Variants in DOCK3 observed in about 807,000 individuals in gnomAD.
The protein encoded by DOCK3 is dedicator of cytokinesis 3.
Under a neutral mutation model 265.6 loss-of-function variants are expected in DOCK3, and 60 were observed. The ratio of observed to expected loss-of-function variants is 0.23; its 90% CI spans 0.18 to 0.28. The LOEUF (loss-of-function observed/expected upper bound fraction) is 0.28. Ranked by LOEUF, DOCK3 falls within the 10% of genes least tolerant of loss-of-function variation. DOCK3 has a pLI of 1.00. For missense variants in DOCK3, 1,981 were observed against 2,594.3 expected (o/e 0.76, Z 5.14); for synonymous variants, 881 against 938.0 (o/e 0.94, Z 1.11).
intron 29 of DOCK3, 52 bp downstream of exon 29, chr3:51,312,131 C>A: frequency 6.8e-7 from 1 of 1,467,054 alleles, no homozygotes; most frequent in Non-Finnish European, 9.3e-7. Flanking sequence ...CTTAGAAAGC[C>A]AAAACCAAGC....
chr3:51,183,098 G>C (rs190541036), intron 12 of DOCK3, among the ~76,000 whole-genome samples: 38 of 152,290 alleles, frequency 2.5e-4, no homozygotes, highest in Non-Finnish European at 4.4e-4. Context: ...GCCACTTCCT[G>C]TGTGGCCCTT....
At chr3:51,053,119 A>ATATATATATATG (rs1365143056) in intron 5 of DOCK3, among the ~76,000 whole-genome samples, 1 of 122,208 alleles carries the variant, frequency 8.2e-6, no homozygotes, top group African/African-American at 3.0e-5. Flanking sequence ...ATATATATAT[A>ATATATATATATG]TATGGATTTT....
chr3:50,701,251 A>G (rs2036022854), intron 1 of DOCK3, among the ~76,000 whole-genome samples: 1 of 150,872 alleles, frequency 6.6e-6, no homozygotes, highest in Non-Finnish European at 1.5e-5. Flanking sequence ...TTGAGTAGCT[A>G]GGACAACAGG....
intron 23 of DOCK3, among the ~76,000 whole-genome samples, chr3:51,267,147 T>A (rs1205824230): frequency 6.6e-6 from 1 of 152,162 alleles, no homozygotes; most frequent in African/African-American, 2.4e-5. Context: ...AGAATGGCGA[T>A]CATTAAAAAG....
At chr3:51,215,375 C>T (rs1488412646) in intron 14 of DOCK3, among the ~76,000 whole-genome samples, 1 of 152,208 alleles carries the variant, frequency 6.6e-6, no homozygotes, top group Admixed American at 6.5e-5. Context: ...TCTTGAACTC[C>T]TGACCTCAGC....
chr3:50,779,359 G>A (rs2041792355), intron 2 of DOCK3, among the ~76,000 whole-genome samples: 1 of 152,034 alleles, frequency 6.6e-6, no homozygotes, highest in Non-Finnish European at 1.5e-5. Context: ...ATTAGAACAG[G>A]TCCTCAAATT....
intron 38 of DOCK3, among the ~76,000 whole-genome samples, chr3:51,343,960 A>T (rs59599274): frequency 0.033 from 5,074 of 152,246 alleles, 305 homozygotes; most frequent in African/African-American, 0.11. Context: ...AGAGAGGGAA[A>T]CTCCAAAGAG....
intron 3 of DOCK3, among the ~76,000 whole-genome samples, chr3:50,878,331 C>T (rs1257868355): frequency 1.3e-5 from 2 of 152,086 alleles, no homozygotes; most frequent in African/African-American, 2.4e-5. Context: ...CAAACTTCTC[C>T]GAGCTAAAGG....
At chr3:50,697,055 C>T (rs541204691) in intron 1 of DOCK3, among the ~76,000 whole-genome samples, 11 of 151,718 alleles carry the variant, frequency 7.3e-5, no homozygotes, top group South Asian at 2.1e-4. Flanking sequence ...TTCAGCCTCC[C>T]GAGTAGCTGG....
intron 12 of DOCK3, among the ~76,000 whole-genome samples, chr3:51,161,138 G>A (rs1007832074): frequency 6.7e-6 from 1 of 150,308 alleles, no homozygotes; most frequent in African/African-American, 2.4e-5. Flanking sequence ...GTAGGAAAAG[G>A]AGCTTTTTGA....
chr3:50,789,067 G>A (rs1271024364), intron 2 of DOCK3, among the ~76,000 whole-genome samples: 1 of 152,162 alleles, frequency 6.6e-6, no homozygotes, highest in Non-Finnish European at 1.5e-5. Context: ...TCCTTGAGGT[G>A]TGACCTTAGA....
chr3:50,767,420 G>C (rs1200686351), intron 1 of DOCK3, among the ~76,000 whole-genome samples: 1 of 152,282 alleles, frequency 6.6e-6, no homozygotes, highest in African/African-American at 2.4e-5. Flanking sequence ...TCAAAGATCA[G>C]ATGGTTATAG....
At chr3:50,903,081 T>C (rs1364920133) in intron 4 of DOCK3, among the ~76,000 whole-genome samples, 1 of 152,194 alleles carries the variant, frequency 6.6e-6, no homozygotes, top group African/African-American at 2.4e-5. Context: ...GTTGAGATGA[T>C]GGGATTTTCT....
chr3:50,783,954 G>A (rs777782552), intron 2 of DOCK3, among the ~76,000 whole-genome samples: 2 of 149,606 alleles, frequency 1.3e-5, no homozygotes, highest in Non-Finnish European at 3.0e-5. Context: ...CGCAACCTCC[G>A]CCTCCCAAGT....
chr3:50,705,757 T>C (rs1192169401), intron 1 of DOCK3, among the ~76,000 whole-genome samples: 2 of 152,128 alleles, frequency 1.3e-5, no homozygotes, highest in African/African-American at 2.4e-5. Context: ...TGGCTGGGCA[T>C]GGTGGCTCAC....
chr3:50,711,580 C>T (rs11710858), intron 1 of DOCK3, among the ~76,000 whole-genome samples: 130,220 of 152,102 alleles, frequency 0.86, 56,034 homozygotes, highest in East Asian at 0.94. Context: ...TTTAATATTG[C>T]TGGTAATATT....
intron 27 of DOCK3, among the ~76,000 whole-genome samples, chr3:51,306,811 C>A (rs1423263643): frequency 6.6e-6 from 1 of 152,198 alleles, no homozygotes; most frequent in African/African-American, 2.4e-5. Flanking sequence ...ATTGTTCTTA[C>A]ACTTTCCTTT....
intron 5 of DOCK3, among the ~76,000 whole-genome samples, chr3:51,011,610 T>C (rs1160357220): frequency 6.6e-6 from 1 of 152,224 alleles, no homozygotes. Context: ...GTCTGAAGCC[T>C]TCTTCTCTCA....
In DOCK3 at chr3:51,166,193, G is replaced by A. The variant is rs184365068; in HGVS notation, c.1037+5491G>A. 7.5e-3 allele frequency among the ~76,000 whole-genome samples: 1,133 copies of A among 151,756 alleles called. 15 individuals carry two copies. The highest frequency in any genetic ancestry group is 0.026 in the African/African-American group (1,089 of 41,410). On this transcript the variant is annotated intron_variant, in intron 12 of 52. Transcript: ENST00000266037. ...AGCCTCCCGAGTAGCTGGTATTACAGGTGCCCACCACCATGCCCAGCTAAT... is the reference window on the plus strand; with the variant it reads ...AGCCTCCCGAGTAGCTGGTATTACAAGTGCCCACCACCATGCCCAGCTAAT...
Sources: allele counts gnomAD v4.1 joint callset (sites outside exome capture counted in the v4.1 genomes callset), GRCh38; gene constraint gnomAD v4.1.1; transcripts MANE v1.5; gene names NCBI Gene and HGNC (gene_info 2026-07-23, HGNC 2026-07-21).